Variants in NYAP2 observed in about 807,000 individuals in gnomAD.
NYAP2 encodes neuronal tyrosine-phosphorylated phosphoinositide-3-kinase adapter 2.
In NYAP2, 23 loss-of-function variants were observed where a neutral mutation model predicts 50.4. That is an observed-to-expected ratio of 0.46 (90% CI 0.33 to 0.65). The LOEUF (loss-of-function observed/expected upper bound fraction) is 0.65, where lower values mean the gene tolerates loss of function less well. Ranked by LOEUF, NYAP2 falls within the 30% of genes least tolerant of loss-of-function variation. NYAP2 has a pLI of 0.02. For synonymous variants in NYAP2, 394 were observed against 365.2 expected (o/e 1.08, Z -0.90); for missense variants, 885 against 861.0 (o/e 1.03, Z -0.35).
chr2:225,597,512 A>AATTATATATATATATATATAT (rs1553554328), intron 5 of NYAP2, among the ~76,000 whole-genome samples: 4 of 46,220 alleles, frequency 8.7e-5, no homozygotes, highest in African/African-American at 2.3e-4. Flanking sequence ...TCCAAGGAGA[A>AATTATATATATATATATATAT]ATATATATAT....
rs187109931 is a variant in NYAP2, at chr2:225,580,350, T to C, written c.524-1591T>C. Among the ~76,000 whole-genome samples the C allele has an allele frequency of 2.1e-4, 32 of 152,342 alleles. No homozygotes were observed. In the East Asian group the frequency reaches 5.6e-3, roughly 27 times the overall value. ...ATGCCAAGTTAGGTGGTACAATTAT[T>C]GGTTGCTTTAGGTCCCTCCTAAAAA... On this transcript the variant is annotated intron_variant, in intron 4 of 6. Transcript: ENST00000636099.
rs544302279 is a variant in NYAP2, at chr2:225,448,620, T to C, written c.221+39519T>C. On this transcript the variant is annotated intron_variant, in intron 3 of 6. Coordinates refer to ENST00000636099, the Ensembl canonical transcript of NYAP2. ...TATTTACATCTCTTGTGGCTGTGCC[T>C]GTCTGCATCCAGGTTTCAATATTCC... Among the ~76,000 whole-genome samples, 42 of 152,372 alleles carry C rather than the reference T, an allele frequency of 2.8e-4. No individual in the cohort carries two copies. In the South Asian group the frequency reaches 8.5e-3, roughly 31 times the overall value.
chr2:225,548,922 C>T (rs1314666389), intron 4 of NYAP2, among the ~76,000 whole-genome samples: 1 of 149,702 alleles, frequency 6.7e-6, no homozygotes, highest in South Asian at 2.1e-4. Context: ...TTGCTCATTG[C>T]CCAGGCTGGA....
At chr2:225,421,264 T>A (rs1270602637) in intron 3 of NYAP2, among the ~76,000 whole-genome samples, 1 of 152,194 alleles carries the variant, frequency 6.6e-6, no homozygotes, top group Non-Finnish European at 1.5e-5. Flanking sequence ...CATATAATTT[T>A]AAAAATTATT....
At chr2:225,669,276 G>A in the NYAP2 span, among the ~76,000 whole-genome samples, 1 of 151,936 alleles carries the variant, frequency 6.6e-6, no homozygotes, top group East Asian at 1.9e-4. Flanking sequence ...AGTCATTATG[G>A]CACGTGAATT....
At chr2:225,594,621 C>G (rs969908925) in intron 5 of NYAP2, among the ~76,000 whole-genome samples, 2 of 152,176 alleles carry the variant, frequency 1.3e-5, no homozygotes, top group African/African-American at 4.8e-5. Flanking sequence ...CATTATGTGA[C>G]TCGCGGTCTT....
the NYAP2 span, among the ~76,000 whole-genome samples, chr2:225,668,939 C>T: frequency 7.4e-6 from 1 of 135,236 alleles, no homozygotes; most frequent in East Asian, 2.2e-4. Flanking sequence ...AAATTGTGTC[C>T]TAATTGGTGT....
chr2:225,665,626 T>C, the NYAP2 span, among the ~76,000 whole-genome samples: 1 of 147,002 alleles, frequency 6.8e-6, no homozygotes, highest in African/African-American at 2.5e-5. Context: ...CTGACCAACA[T>C]GGTGAAACCC....
At chr2:225,610,213 T>C (rs959601216) in intron 5 of NYAP2, among the ~76,000 whole-genome samples, 2 of 152,158 alleles carry the variant, frequency 1.3e-5, no homozygotes, top group African/African-American at 4.8e-5. Flanking sequence ...CAGATACTTA[T>C]TTTCTCACAG....
At chr2:225,519,777 G>A (rs571130435) in intron 4 of NYAP2, among the ~76,000 whole-genome samples, 1 of 152,092 alleles carries the variant, frequency 6.6e-6, no homozygotes, top group Non-Finnish European at 1.5e-5. Flanking sequence ...AATCCTTTGG[G>A]TATATACCCA....
At chr2:225,692,010 G>T in the NYAP2 span, among the ~76,000 whole-genome samples, 1 of 152,064 alleles carries the variant, frequency 6.6e-6, no homozygotes, top group Non-Finnish European at 1.5e-5. Context: ...TTGATTGATT[G>T]CTGTGCCTAT....
the NYAP2 span, among the ~76,000 whole-genome samples, chr2:225,664,185 C>T: frequency 3.3e-5 from 5 of 152,048 alleles, no homozygotes; most frequent in African/African-American, 9.7e-5. Context: ...TGATGTGCAC[C>T]GGAAATTGCA....
chr2:225,444,169 C>T (rs1220756245), intron 3 of NYAP2, among the ~76,000 whole-genome samples: 1 of 152,112 alleles, frequency 6.6e-6, no homozygotes, highest in East Asian at 1.9e-4. Flanking sequence ...AAAGAATTAC[C>T]ATACAAGCCG....
intron 5 of NYAP2, among the ~76,000 whole-genome samples, chr2:225,626,540 G>A (rs886963385): frequency 6.6e-6 from 1 of 152,204 alleles, no homozygotes; most frequent in African/African-American, 2.4e-5. Context: ...AAGGCACTAG[G>A]TGATGTTATC....
At chr2:225,616,919 T>G (rs1397415792) in intron 5 of NYAP2, among the ~76,000 whole-genome samples, 3 of 152,218 alleles carry the variant, frequency 2.0e-5, no homozygotes, top group Admixed American at 2.0e-4. Context: ...TTAATCTGCC[T>G]TGATCACTTC....
At chr2:225,500,380 T>C (rs969055065) in intron 3 of NYAP2, among the ~76,000 whole-genome samples, 2 of 152,248 alleles carry the variant, frequency 1.3e-5, no homozygotes, top group Non-Finnish European at 2.9e-5. Flanking sequence ...TTTTGCTTCC[T>C]TGGTAGTTCA....
At chr2:225,701,741 A>C in the NYAP2 span, 1 of 151,910 alleles carries the variant, frequency 6.6e-6, no homozygotes, top group Middle Eastern at 3.4e-3. Context: ...TGTAGTTTTA[A>C]AGTATTATAT....
intron 4 of NYAP2, among the ~76,000 whole-genome samples, chr2:225,533,114 G>T (rs979559103): frequency 6.6e-6 from 1 of 152,124 alleles, no homozygotes; most frequent in African/African-American, 2.4e-5. Context: ...GGCCAAAGAT[G>T]GCTTCTCAGA....
At chr2:225,406,223 C>T (rs1231200997) in intron 2 of NYAP2, among the ~76,000 whole-genome samples, 1 of 151,760 alleles carries the variant, frequency 6.6e-6, no homozygotes, top group Non-Finnish European at 1.5e-5. Flanking sequence ...GCCTCCTTAT[C>T]CATGCCCTTC....
Sources: gnomAD v4.1 joint callset for allele counts (sites outside exome capture counted in the v4.1 genomes callset) on GRCh38, gnomAD v4.1.1 for gene constraint, MANE v1.5 for transcripts, NCBI Gene and HGNC (gene_info 2026-07-23, HGNC 2026-07-21) for gene names.